SGCZ: variants seen among roughly 807,000 people sequenced by gnomAD.
SGCZ encodes the protein sarcoglycan zeta.
A neutral mutation model predicts 41.3 loss-of-function variants in SGCZ; 40 were observed. The ratio of observed to expected loss-of-function variants is 0.97; its 90% CI spans 0.75 to 1.26. The LOEUF (loss-of-function observed/expected upper bound fraction) is 1.26. SGCZ is among the 50% of genes most tolerant of loss of function. The pLI, the probability that SGCZ is intolerant of heterozygous loss-of-function variation, is 0.00. For missense variants in SGCZ, 552 were observed against 369.8 expected (o/e 1.49, Z -4.04); for synonymous variants, 206 against 137.5 (o/e 1.50, Z -3.49).
intron 1 of SGCZ, among the ~76,000 whole-genome samples, chr8:15,160,362 A>G (rs190092082): frequency 6.6e-6 from 1 of 151,858 alleles, no homozygotes; most frequent in Non-Finnish European, 1.5e-5. Flanking sequence ...TTACATATCT[A>G]CTCCGCTGTG....
At chr8:14,315,608 A>G (rs541920321) in intron 3 of SGCZ, among the ~76,000 whole-genome samples, 8 of 152,232 alleles carry the variant, frequency 5.3e-5, no homozygotes, top group Admixed American at 2.0e-4. Flanking sequence ...ATAAATAAAA[A>G]AAGTCAGAGG....
Position 14,378,503 on chromosome 8 carries a change from T to C in SGCZ, c.235-54299A>G, listed in dbSNP as rs533734149. Among the ~76,000 whole-genome samples the C allele has an allele frequency of 4.6e-5, 7 of 152,104 alleles. No homozygotes were observed. The South Asian group carries it at 1.5e-3, about 32-fold the overall frequency. On this transcript the variant is annotated intron_variant, in intron 2 of 7. Transcript: ENST00000382080. ...CAGAGTAAACAGGCAACCTACAAAA[T>C]GGGGGAAAATTTTCACAACCTACTC...
rs148051815 is a variant in SGCZ at position 14,867,998 on chromosome 8, C to T, written c.40-313072G>A. ...ATTCTATATAACATGCAAAATTCCA[C>T]ATGATTGAGTCCCTGCCTACCTCCT... On this transcript the variant is annotated intron_variant, in intron 1 of 7. Coordinates refer to ENST00000382080, the MANE Select transcript of SGCZ (RefSeq NM_139167.4). Among the ~76,000 whole-genome samples the T allele has an allele frequency of 5.9e-3, 903 of 151,848 alleles. 46 individuals are homozygous for T. Among genetic ancestry groups the T allele is most frequent in the Admixed American group, 0.054 (820 of 15,240 alleles).
At chr8:14,257,643 C>T (rs560494770) in intron 3 of SGCZ, among the ~76,000 whole-genome samples, 133 of 146,258 alleles carry the variant, frequency 9.1e-4, no homozygotes, top group African/African-American at 2.9e-3. Flanking sequence ...TCCCCCCGCC[C>T]TATGACAGGC....
chr8:14,212,031 C>T (rs62492298), intron 4 of SGCZ, among the ~76,000 whole-genome samples: 36,213 of 151,980 alleles, frequency 0.24, 5,544 homozygotes, highest in Non-Finnish European at 0.34. Flanking sequence ...GTGACTGTTC[C>T]TCTATCTGCT....
At chr8:14,756,364 T>C (rs976338930) in intron 1 of SGCZ, among the ~76,000 whole-genome samples, 5 of 152,032 alleles carry the variant, frequency 3.3e-5, no homozygotes, top group Admixed American at 6.6e-5. Flanking sequence ...TTTGTATTTT[T>C]AGTAGAGATG....
At chr8:14,668,789 A>C (rs1807996926) in intron 1 of SGCZ, among the ~76,000 whole-genome samples, 1 of 152,106 alleles carries the variant, frequency 6.6e-6, no homozygotes, top group Non-Finnish European at 1.5e-5. Flanking sequence ...TTATGTCTTT[A>C]TTTTATTTTT....
At chr8:14,520,836 C>A (rs117895270) in intron 2 of SGCZ, among the ~76,000 whole-genome samples, 1 of 151,986 alleles carries the variant, frequency 6.6e-6, no homozygotes, top group Non-Finnish European at 1.5e-5. Flanking sequence ...TTCTTTCTCA[C>A]GCTCTCTAAT....
chr8:14,382,467 C>T (rs1347568183), intron 2 of SGCZ, among the ~76,000 whole-genome samples: 5 of 151,824 alleles, frequency 3.3e-5, no homozygotes, highest in Non-Finnish European at 5.9e-5. Context: ...TCACCTGGCA[C>T]AGAGCAGGTG....
chr8:14,309,222 C>T (rs1309143957), intron 3 of SGCZ: 3 of 1,504,512 alleles, frequency 2.0e-6, no homozygotes, highest in Non-Finnish European at 2.8e-6. Context: ...AAGTTTGATA[C>T]TGTTGAAGAC....
At chr8:15,226,815 G>C (rs1801788774) in intron 1 of SGCZ, among the ~76,000 whole-genome samples, 2 of 150,808 alleles carry the variant, frequency 1.3e-5, no homozygotes, top group South Asian at 4.2e-4. Flanking sequence ...ACTTGGTCTA[G>C]GGTTCTAACA....
chr8:14,187,973 C>T (rs867324169), intron 4 of SGCZ, among the ~76,000 whole-genome samples: 4 of 151,920 alleles, frequency 2.6e-5, no homozygotes, highest in Middle Eastern at 3.2e-3. Context: ...ATAAGGAATG[C>T]TTAATAAGGT....
chr8:14,537,067 G>A (rs898587409), intron 2 of SGCZ, among the ~76,000 whole-genome samples: 4 of 151,924 alleles, frequency 2.6e-5, no homozygotes, highest in Admixed American at 2.0e-4. Flanking sequence ...TGCTGACACA[G>A]CCCCATCATG....
At chr8:15,168,467 C>G (rs544010374) in intron 1 of SGCZ, among the ~76,000 whole-genome samples, 8 of 152,102 alleles carry the variant, frequency 5.3e-5, no homozygotes, top group Admixed American at 6.5e-5. Context: ...TAGCTCCCCC[C>G]ACAACCCAAC....
At chr8:14,932,939 T>C (rs1409467439) in intron 1 of SGCZ, among the ~76,000 whole-genome samples, 1 of 151,912 alleles carries the variant, frequency 6.6e-6, no homozygotes, top group Admixed American at 6.5e-5. Context: ...TTAAGTTAAT[T>C]AACACAGGAA....
At chr8:14,335,817 C>T (rs1802486494) in intron 2 of SGCZ, among the ~76,000 whole-genome samples, 1 of 152,102 alleles carries the variant, frequency 6.6e-6, no homozygotes, top group Admixed American at 6.6e-5. Flanking sequence ...GTTTGTGTGT[C>T]AGCTTGTCAT....
chr8:14,130,191 A>G (rs1292934894), intron 5 of SGCZ, among the ~76,000 whole-genome samples: 1 of 152,168 alleles, frequency 6.6e-6, no homozygotes, highest in African/African-American at 2.4e-5. Flanking sequence ...TGGCCAACTG[A>G]TTTTTAAGAG....
At chr8:15,072,127 C>T (rs1805375118) in intron 1 of SGCZ, among the ~76,000 whole-genome samples, 1 of 152,038 alleles carries the variant, frequency 6.6e-6, no homozygotes, top group African/African-American at 2.4e-5. Flanking sequence ...AAGTACTCTC[C>T]ATCTTCCTGG....
chr8:14,827,785 G>C (rs1383553274), intron 1 of SGCZ, among the ~76,000 whole-genome samples: 1 of 152,010 alleles, frequency 6.6e-6, no homozygotes, highest in Non-Finnish European at 1.5e-5. Context: ...TGAAATTAAA[G>C]TAATACAGTT....
Sources: gnomAD v4.1 joint callset for allele counts (sites outside exome capture counted in the v4.1 genomes callset) on GRCh38, gnomAD v4.1.1 for gene constraint, MANE v1.5 for transcripts, NCBI Gene and HGNC (gene_info 2026-07-23, HGNC 2026-07-21) for gene names.